TNFAIP8: variants seen among roughly 807,000 people sequenced by gnomAD.
TNFAIP8 encodes tumor necrosis factor alpha-induced protein 8.
Under a neutral mutation model 13.3 loss-of-function variants are expected in TNFAIP8, and 7 were observed. The ratio of observed to expected loss-of-function variants is 0.52; its 90% confidence interval spans 0.30 to 0.99. TNFAIP8 has a LOEUF of 0.99. Ranked by LOEUF, TNFAIP8 falls within the 50% of genes least tolerant of loss-of-function variation. The pLI is 0.07. For missense variants in TNFAIP8, 258 were observed against 236.9 expected (o/e 1.09, Z -0.58); for synonymous variants, 94 against 87.6 (o/e 1.07, Z -0.41).
intron 1 of TNFAIP8, among the ~76,000 whole-genome samples, chr5:119,319,454 C>T (rs117638346): frequency 2.2e-4 from 33 of 152,244 alleles, no homozygotes; most frequent in East Asian, 1.7e-3. Context: ...CTTAATAACA[C>T]GGCAGCTGTT....
At chr5:119,390,361 C>T (rs1390125755) in intron 1 of TNFAIP8, among the ~76,000 whole-genome samples, 2 of 152,012 alleles carry the variant, frequency 1.3e-5, no homozygotes, top group African/African-American at 4.8e-5. Flanking sequence ...AATATGGTCC[C>T]TGGTTTTAAT....
At chr5:119,308,258 G>A (rs1749625328) in intron 1 of TNFAIP8, among the ~76,000 whole-genome samples, 1 of 152,190 alleles carries the variant, frequency 6.6e-6, no homozygotes, top group South Asian at 2.1e-4. Context: ...TCTGCCGCCT[G>A]TGAACTCTCC....
intron 1 of TNFAIP8, among the ~76,000 whole-genome samples, chr5:119,358,200 G>A (rs1273321464): frequency 6.6e-6 from 1 of 151,568 alleles, no homozygotes; most frequent in Non-Finnish European, 1.5e-5. Context: ...ACTGCCTTTG[G>A]ATGCTTCATG....
At chr5:119,373,421 G>C (rs756036619) in intron 1 of TNFAIP8, among the ~76,000 whole-genome samples, 3 of 152,182 alleles carry the variant, frequency 2.0e-5, no homozygotes, top group Non-Finnish European at 4.4e-5. Context: ...TCACCGGGAC[G>C]TCAAGACAGG....
upstream of TNFAIP8, chr5:119,354,515 A>G (rs1397925940): frequency 6.6e-6 from 1 of 152,204 alleles, no homozygotes; most frequent in Non-Finnish European, 1.5e-5. Flanking sequence ...TTTTCTGTTC[A>G]AAGTCAATAC....
rs1485897174 is a variant in TNFAIP8 at position 119,392,798 on chromosome 5, CTCTT to C, written c.32-16_32-13del. On this transcript the variant is annotated splice_polypyrimidine_tract_variant and intron_variant, in intron 1 of 1. Coordinates refer to ENST00000504771, the MANE Select transcript of TNFAIP8 (RefSeq NM_014350.4). ...TTTACTAATTGTTAATTCTTTTCCT[CTCTT>C]TTTTTTTTTTTAGTGGCCACAGATG... 1.9e-5 allele frequency: 28 copies of C among 1,476,312 alleles called. No individual in the cohort carries two copies. Among genetic ancestry groups the C allele is most frequent in the Non-Finnish European group, 2.5e-5 (28 of 1,105,224 alleles). The allele number at this position is 1,476,312 out of a possible 1,614,324, so 91.5% of individuals were successfully genotyped here. A position where few individuals can be genotyped will look rare whatever the true frequency, so the allele number is the denominator to read the frequency against.
At chr5:119,381,943 C>T (rs1043227092) in intron 1 of TNFAIP8, among the ~76,000 whole-genome samples, 6 of 151,744 alleles carry the variant, frequency 4.0e-5, no homozygotes, top group African/African-American at 7.3e-5. Context: ...AAAAAAACAC[C>T]GAACAAAAAA....
intron 1 of TNFAIP8, among the ~76,000 whole-genome samples, chr5:119,386,758 G>A (rs1049796009): frequency 3.3e-5 from 5 of 152,216 alleles, no homozygotes; most frequent in African/African-American, 1.2e-4. Context: ...GACTTCAGAT[G>A]TATTGATTCT....
chr5:119,354,833 A>G (rs182551730), upstream of TNFAIP8: 36 of 157,562 alleles, frequency 2.3e-4, 1 homozygote, highest in East Asian at 6.5e-3. Flanking sequence ...TAGTGTTTCT[A>G]TTGGTTTTTG....
chr5:119,382,008 A>T (rs142770522), intron 1 of TNFAIP8, among the ~76,000 whole-genome samples: 1 of 152,096 alleles, frequency 6.6e-6, no homozygotes, highest in South Asian at 2.1e-4. Flanking sequence ...TAATGTTTCA[A>T]TTTTTTCTAA....
chr5:119,316,100 T>TA (rs1287736879), intron 1 of TNFAIP8: 1 of 151,946 alleles, frequency 6.6e-6, no homozygotes, highest in African/African-American at 2.4e-5. Flanking sequence ...CCTGTTCACC[T>TA]AAAAGGGTAA....
intron 1 of TNFAIP8, among the ~76,000 whole-genome samples, chr5:119,381,799 G>A (rs1384761140): frequency 6.6e-6 from 1 of 152,038 alleles, no homozygotes; most frequent in Non-Finnish European, 1.5e-5. Flanking sequence ...GGGCATGGTG[G>A]TGGGCACCTG....
rs1261438960 is a variant in TNFAIP8 at position 119,397,043 on chromosome 5, C to T, written c.*3662C>T. ...GCATGAGTTAAGAACTTTGATCGTACAGAAATATTGCGTTTTAAACTCTTA... is the reference window on the plus strand; with the variant it reads ...GCATGAGTTAAGAACTTTGATCGTATAGAAATATTGCGTTTTAAACTCTTA... On this transcript the variant is annotated 3_prime_UTR_variant, in exon 2 of 2. Transcript: ENST00000504771. 7.2e-6 allele frequency: 1 copy of T among 138,736 alleles called. No individual in the cohort carries two copies. The highest frequency in any genetic ancestry group is 7.2e-5 in the Admixed American group (1 of 13,862). 8.6% of individuals were successfully genotyped at this position (138,736 alleles called of 1,614,324 possible). A position where few individuals can be genotyped will look rare whatever the true frequency, so the allele number is the denominator to read the frequency against.
At chr5:119,331,410 G>A (rs1201847743) in intron 1 of TNFAIP8, among the ~76,000 whole-genome samples, 1 of 152,160 alleles carries the variant, frequency 6.6e-6, no homozygotes, top group Non-Finnish European at 1.5e-5. Flanking sequence ...AGCACACTTT[G>A]AATAGATCCG....
At position 119,280,528 on chromosome 5, in the gene TNFAIP8, A is replaced by G. The variant is rs118176687; in HGVS notation, c.1+11621A>G. ...TACTGCTTTTCCCTCTGTTTCCTGT[A>G]TCTGGATCCAGAGACTTGATCAGAT... On this transcript the variant is annotated intron_variant, in intron 1 of 1. Transcript: ENST00000274456. Among the ~76,000 whole-genome samples, 899 of 152,162 alleles carry G rather than the reference A, an allele frequency of 5.9e-3. 8 individuals carry two copies. Among genetic ancestry groups the G allele is most frequent in the East Asian group, 0.04 (206 of 5,178 alleles).
rs780788996 is a variant in TNFAIP8, at chr5:119,356,105, A to G, written c.15A>G (p.Ala5=). ...ATCCTGACATTATGCACTCCGAAGC[A>G]GAAGAATCCAAGGAAGGTAGGATTC... MHSE[A]EESKEVATDV... The change falls in exon 1 of 2, where the codon GCA becomes GCG. Residue 5 remains alanine, a synonymous_variant. Coordinates refer to ENST00000504771, the MANE Select transcript of TNFAIP8 (RefSeq NM_014350.4). 2.5e-6 allele frequency: 4 copies of G among 1,587,948 alleles called. No individual in the cohort carries two copies. The highest frequency in any genetic ancestry group is 1.4e-5 in the African/African-American group (1 of 73,650).
chr5:119,275,054 TAC>T (rs919460769), intron 1 of TNFAIP8, among the ~76,000 whole-genome samples: 19 of 150,120 alleles, frequency 1.3e-4, no homozygotes, highest in Non-Finnish European at 2.7e-4. Flanking sequence ...CTCTTGAAAG[TAC>T]AGAGTGGCTT....
chr5:119,356,936 TAGAG>T (rs1457315406), intron 1 of TNFAIP8, among the ~76,000 whole-genome samples: 3 of 152,102 alleles, frequency 2.0e-5, no homozygotes, highest in African/African-American at 4.8e-5. Flanking sequence ...TGGGGAAAAT[TAGAG>T]AGTAAGAGAG....
In TNFAIP8 at chr5:119,281,289, C is replaced by CAT. The variant is rs1453091783; in HGVS notation, c.1+12383_1+12384insTA. On this transcript the variant is annotated intron_variant, in intron 1 of 1. Coordinates refer to the TNFAIP8 transcript ENST00000274456. ...CAGAGCTGGGAAACACACACACATACACACACACACACACACACTCTCTCT... is the reference window on the plus strand; with the variant it reads ...CAGAGCTGGGAAACACACACACATACATACACACACACACACACACTCTCTCT... Among the ~76,000 whole-genome samples, 7 of 38,510 alleles carry CAT rather than the reference C, an allele frequency of 1.8e-4. No homozygotes were observed. In the East Asian group the frequency reaches 3.5e-3, roughly 19 times the overall value. 25.3% of individuals were successfully genotyped at this position (38,510 alleles called of 152,430 possible).
Sources: allele counts gnomAD v4.1 joint callset (sites outside exome capture counted in the v4.1 genomes callset), GRCh38; gene constraint gnomAD v4.1.1; transcripts MANE v1.5; gene names NCBI Gene and HGNC (gene_info 2026-07-23, HGNC 2026-07-21).